TUBGCP4: variants seen among roughly 807,000 people sequenced by gnomAD.
TUBGCP4 encodes tubulin gamma complex component 4.
In TUBGCP4, 54 loss-of-function variants were observed where a neutral mutation model predicts 91.6. That is an observed-to-expected ratio of 0.59 (90% CI 0.47 to 0.74). The LOEUF is 0.74. Ranked by LOEUF, TUBGCP4 falls within the 30% of genes least tolerant of loss-of-function variation. The pLI is 0.00. For synonymous variants in TUBGCP4, 297 were observed against 302.8 expected, an observed-to-expected ratio of 0.98 and a Z score of 0.20; for missense variants, 593 against 800.9, an observed-to-expected ratio of 0.74 and a Z score of 3.13.
intron 1 of TUBGCP4, 87 bp from the exon 2 acceptor site, chr15:43,376,011 G>A (rs1160010414): frequency 5.1e-6 from 8 of 1,561,934 alleles, no homozygotes; most frequent in East Asian, 4.6e-5. Flanking sequence ...GAAAGAAAAC[G>A]ATAAATGTGT....
At position 43,376,639 on chromosome 15, in the gene TUBGCP4, G is replaced by A. The variant is rs1007604791; in HGVS notation, c.330+14G>A. On this transcript the variant is annotated intron_variant, in intron 3 of 17. Coordinates refer to ENST00000564079, the MANE Select transcript of TUBGCP4 (RefSeq NM_014444.5). Reference sequence around the variant, plus strand: ...TTGGAACAAGAGGTAAGAAGGAGGAGATATAGGAAACACCTCTGGGACAGT... The same window carrying A: ...TTGGAACAAGAGGTAAGAAGGAGGAAATATAGGAAACACCTCTGGGACAGT... The A allele has an allele frequency of 7.4e-6, 12 of 1,614,000 alleles. No individual in the cohort carries two copies. The Admixed American group carries it at 1.5e-4, about 20-fold the overall frequency.
In TUBGCP4 at chr15:43,376,727, C is replaced by T. The variant is rs997515667; in HGVS notation, c.330+102C>T. ...ATAAGATCAGGTAGTTAAGAGTGAGCAGTTGCCTGCATGGCTGGAAGGTAC... is the reference window on the plus strand; with the variant it reads ...ATAAGATCAGGTAGTTAAGAGTGAGTAGTTGCCTGCATGGCTGGAAGGTAC... On this transcript the variant is annotated intron_variant, in intron 3 of 17. Transcript: ENST00000564079. The T allele has an allele frequency of 8.0e-6, 12 of 1,494,596 alleles. No homozygotes were observed. The Middle Eastern group carries it at 9.0e-4, about 112-fold the overall frequency. The allele number at this position is 1,494,596 out of a possible 1,614,324, so 92.6% of individuals were successfully genotyped here.
chr15:43,390,072 G>C (rs2044441275), intron 9 of TUBGCP4, among the ~76,000 whole-genome samples: 1 of 152,100 alleles, frequency 6.6e-6, no homozygotes, highest in Non-Finnish European at 1.5e-5. Context: ...TGAGGTTTGG[G>C]TGGGGACACA....
At chr15:43,384,603 G>A (rs1449303523) in intron 7 of TUBGCP4, among the ~76,000 whole-genome samples, 1 of 152,228 alleles carries the variant, frequency 6.6e-6, no homozygotes, top group Non-Finnish European at 1.5e-5. Flanking sequence ...ACAAGAGATG[G>A]TGTGAGGGAG....
rs10718458 is a variant in TUBGCP4, at chr15:43,386,725, CAAAAAAAA to C, written c.1014+412_1014+419del. Reference sequence around the variant, plus strand: ...GGGCAACAGAGCAAGACTCTGTCTCCAAAAAAAAAAAAAAAAAAAAAAAAGACACTGAG... The same window carrying C: ...GGGCAACAGAGCAAGACTCTGTCTCCAAAAAAAAAAAAAAAAGACACTGAG... On this transcript the variant is annotated intron_variant, in intron 9 of 17. Coordinates refer to ENST00000564079, the MANE Select transcript of TUBGCP4 (RefSeq NM_014444.5). Among the ~76,000 whole-genome samples, 439 of 67,036 alleles carry C rather than the reference CAAAAAAAA, an allele frequency of 6.5e-3. 1 individual carries two copies. The highest frequency in any genetic ancestry group is 0.022 in the African/African-American group (398 of 17,696). The allele number at this position is 67,036 out of a possible 152,430, so 44.0% of individuals were successfully genotyped here.
At position 43,386,483 on chromosome 15, in the gene TUBGCP4, G is replaced by C. The variant is rs1244453081; in HGVS notation, c.1014+153G>C. 3.5e-5 allele frequency among the ~76,000 whole-genome samples: 5 copies of C among 140,976 alleles called. No individual in the cohort carries two copies. In the Admixed American group the frequency reaches 3.7e-4, roughly 10 times the overall value. 92.5% of individuals were successfully genotyped at this position (140,976 alleles called of 152,430 possible). A position where few individuals can be genotyped will look rare whatever the true frequency, so the allele number is the denominator to read the frequency against. ...CTCACGCATGCAGTCTCAACACTTT[G>C]GGAGGCCAAGGCAAGTGGATCATCT... On this transcript the variant is annotated intron_variant, in intron 9 of 17. Transcript: ENST00000564079.
At chr15:43,379,056 A>T (rs112782805) in intron 5 of TUBGCP4, among the ~76,000 whole-genome samples, 97 of 152,322 alleles carry the variant, frequency 6.4e-4, no homozygotes, top group African/African-American at 2.2e-3. Flanking sequence ...AGAGTGGAAA[A>T]TAGGGGGATT....
chr15:43,372,868 G>A (rs1470719579), intron 1 of TUBGCP4, among the ~76,000 whole-genome samples: 1 of 152,168 alleles, frequency 6.6e-6, no homozygotes, highest in Non-Finnish European at 1.5e-5. Flanking sequence ...GTTGTTACCT[G>A]TTTTTAGCCT....
At chr15:43,392,050 G>A (rs891224965) in intron 9 of TUBGCP4, among the ~76,000 whole-genome samples, 12 of 144,396 alleles carry the variant, frequency 8.3e-5, no homozygotes, top group Non-Finnish European at 1.2e-4. Context: ...GTAAGACTCC[G>A]TCTCAAAATA....
intron 7 of TUBGCP4, chr15:43,385,357 A>G (rs1249051345): frequency 6.6e-6 from 3 of 456,322 alleles, no homozygotes; most frequent in South Asian, 4.6e-5. Context: ...ACTATCTGTT[A>G]CACTGATCAG....
Position 43,408,391 on chromosome 15 carries a change from G to A in TUBGCP4, c.*3177G>A. On this transcript the variant is annotated 3_prime_UTR_variant, in exon 18 of 18. Transcript: ENST00000564079. The stretch of plus-strand genomic sequence containing the variant: ...AGCAGCTTGGGAGGCTGAGGTAGGG[G>A]GATCACTTCAGCCTGGGAGGTTGAG... 1 of 302,892 alleles carries A rather than the reference G, an allele frequency of 3.3e-6. No homozygotes were observed. The highest frequency in any genetic ancestry group is 3.9e-5 in the South Asian group (1 of 25,450). 18.8% of individuals were successfully genotyped at this position (302,892 alleles called of 1,614,324 possible).
chr15:43,375,374 A>G (rs1449483613), intron 1 of TUBGCP4, among the ~76,000 whole-genome samples: 1 of 152,212 alleles, frequency 6.6e-6, no homozygotes, highest in Non-Finnish European at 1.5e-5. Flanking sequence ...CCACTGAACT[A>G]TATACTTAAA....
Position 43,409,442 on chromosome 15 carries a change from C to A in TUBGCP4, c.*4228C>A. 1.9e-6 allele frequency: 1 copy of A among 536,506 alleles called. No homozygotes were observed. Among genetic ancestry groups the A allele is most frequent in the Non-Finnish European group, 3.3e-6 (1 of 304,036 alleles). 33.2% of individuals were successfully genotyped at this position (536,506 alleles called of 1,614,324 possible). A position where few individuals can be genotyped will look rare whatever the true frequency, so the allele number is the denominator to read the frequency against. ...TTTGTCCCAGCAACAGAACCATAGC[C>A]ATTAACTAACCCAAGGTCCTACCTT... On this transcript the variant is annotated 3_prime_UTR_variant, in exon 18 of 18. Transcript: ENST00000564079.
intron 9 of TUBGCP4, chr15:43,391,678 G>A (rs1595490927): frequency 6.6e-6 from 1 of 152,248 alleles, no homozygotes. Context: ...TTCTGCCCCA[G>A]CCTCCCAAGT....
chr15:43,395,729 T>C (rs2044570063), intron 11 of TUBGCP4, 41 bp downstream of exon 11: 1 of 1,529,008 alleles, frequency 6.5e-7, no homozygotes, highest in South Asian at 1.1e-5. Context: ...CTGATTGACA[T>C]TGCAGGGTAT....
chr15:43,379,129 T>C (rs779673196), intron 5 of TUBGCP4, among the ~76,000 whole-genome samples: 1 of 152,170 alleles, frequency 6.6e-6, no homozygotes, highest in Non-Finnish European at 1.5e-5. Flanking sequence ...ACCAAGGCTC[T>C]TCAGAGTTTT....
chr15:43,385,916 C>A lies in TUBGCP4; in HGVS notation c.849C>A (p.Val283=), dbSNP rs2044349672. The A allele has an allele frequency of 3.1e-6, 5 of 1,614,004 alleles. No individual in the cohort carries two copies. Among genetic ancestry groups the A allele is most frequent in the Non-Finnish European group, 4.2e-6 (5 of 1,179,994 alleles). ...AEKILFVGES[V]QMFENQNVNL... ...AAATCCTATTTGTTGGAGAATCTGT[C>A]CAGATGTTTGAGAATCAAAATGTGA... Residue 283 remains valine (V), a synonymous_variant, in exon 8 of 18, where the codon GTC becomes GTA. Transcript: ENST00000564079.
intron 13 of TUBGCP4, 111 bp downstream of exon 13, chr15:43,398,290 T>C: frequency 8.1e-7 from 1 of 1,231,242 alleles, no homozygotes; most frequent in Non-Finnish European, 1.1e-6. Context: ...CACACACCTG[T>C]AATCCCAGCT....
chr15:43,384,011 G>A (rs1268075270), intron 7 of TUBGCP4, among the ~76,000 whole-genome samples: 2 of 152,036 alleles, frequency 1.3e-5, no homozygotes, highest in African/African-American at 4.8e-5. Context: ...ACAGGGTTTT[G>A]TCATGTTGGC....
Sources: gnomAD v4.1 joint callset for allele counts (sites outside exome capture counted in the v4.1 genomes callset) on GRCh38, gnomAD v4.1.1 for gene constraint, MANE v1.5 for transcripts, NCBI Gene and HGNC (gene_info 2026-07-23, HGNC 2026-07-21) for gene names.